The following FMN1 variants were observed in gnomAD, a reference collection of about 807,000 sequenced individuals.
The protein encoded by FMN1 is formin 1, also known as formin-1.
A neutral mutation model predicts 132.4 loss-of-function variants in FMN1; 110 were observed. The observed-to-expected ratio is 0.83, with a 90% confidence interval of 0.71 to 0.97. FMN1 has a LOEUF of 0.97. Ranked by LOEUF, FMN1 falls within the 50% of genes least tolerant of loss-of-function variation. The pLI is 0.00. For synonymous variants in FMN1, 722 were observed against 651.7 expected (o/e 1.11, Z -1.64); for missense variants, 1,792 against 1,705.3 (o/e 1.05, Z -0.90).
At chr15:33,060,776 A>G (rs1337899507) in intron 6 of FMN1, among the ~76,000 whole-genome samples, 3 of 152,176 alleles carry the variant, frequency 2.0e-5, no homozygotes, top group Non-Finnish European at 2.9e-5. Flanking sequence ...GCACAATTCA[A>G]CTCAGAAAGC....
At chr15:33,108,305 G>C (rs560109222) in intron 4 of FMN1, among the ~76,000 whole-genome samples, 1 of 152,020 alleles carries the variant, frequency 6.6e-6, no homozygotes, top group African/African-American at 2.4e-5. Flanking sequence ...TTGATGGAGG[G>C]GGAAAAACAT....
chr15:33,012,754 G>T (rs186665924), intron 6 of FMN1: 1 of 729,514 alleles, frequency 1.4e-6, no homozygotes, highest in Non-Finnish European at 2.5e-6. Flanking sequence ...TGGTGGGAAC[G>T]ACATCTTTGG....
chr15:33,172,079 G>A (rs985343953), intron 3 of FMN1, among the ~76,000 whole-genome samples: 1 of 152,086 alleles, frequency 6.6e-6, no homozygotes, highest in East Asian at 1.9e-4. Context: ...GTGGTGGCGG[G>A]CGCCTGTGGT....
At chr15:32,974,156 A>C (rs940711307) in intron 7 of FMN1, among the ~76,000 whole-genome samples, 2 of 152,348 alleles carry the variant, frequency 1.3e-5, no homozygotes, top group African/African-American at 4.8e-5. Flanking sequence ...ATCCAATTAT[A>C]AACCCTCCAT....
intron 18 of FMN1, among the ~76,000 whole-genome samples, chr15:32,803,824 G>C (rs930491194): frequency 6.6e-6 from 1 of 152,210 alleles, no homozygotes; most frequent in Non-Finnish European, 1.5e-5. Flanking sequence ...ATAGTGTCAT[G>C]ACACGCATGT....
intron 6 of FMN1, among the ~76,000 whole-genome samples, chr15:33,026,560 A>G (rs979388321): frequency 4.6e-5 from 7 of 152,206 alleles, no homozygotes; most frequent in Non-Finnish European, 1.0e-4. Flanking sequence ...TTCCTCATAT[A>G]ATACATATAT....
rs543893270 is a variant in FMN1, at chr15:33,174,511, T to C, written c.-132+5687A>G. Among the ~76,000 whole-genome samples the C allele has an allele frequency of 4.1e-4, 62 of 152,370 alleles. 1 individual carries two copies. Among genetic ancestry groups the C allele is most frequent in the African/African-American group, 1.5e-3 (62 of 41,586 alleles). On this transcript the variant is annotated intron_variant, in intron 3 of 20. Transcript: ENST00000616417. ...TCTTGAAAAGGCAAAGAATGTTTGC[T>C]CTCTTAAGCTGTATTCCATAATACT...
intron 16 of FMN1, among the ~76,000 whole-genome samples, chr15:32,883,931 T>C (rs988781295): frequency 1.3e-5 from 2 of 152,184 alleles, no homozygotes; most frequent in African/African-American, 4.8e-5. Context: ...TATTTGATCA[T>C]AGACTCTTTC....
At chr15:33,067,151 G>A (rs754591617) in intron 5 of FMN1, 1 of 1,613,938 alleles carries the variant, frequency 6.2e-7, no homozygotes, top group Admixed American at 1.7e-5. Flanking sequence ...GTTTGTTACT[G>A]CAGGTAGGTC....
intron 2 of FMN1, among the ~76,000 whole-genome samples, chr15:33,185,490 A>C (rs1157156326): frequency 6.6e-6 from 1 of 151,696 alleles, no homozygotes; most frequent in Non-Finnish European, 1.5e-5. Flanking sequence ...ATAGAAAGTA[A>C]ATTTTTGTTT....
intron 17 of FMN1, among the ~76,000 whole-genome samples, chr15:32,830,417 A>G (rs2058471466): frequency 6.6e-6 from 1 of 152,152 alleles, no homozygotes; most frequent in South Asian, 2.1e-4. Context: ...AGTGGTTGAA[A>G]TAGTTTAATT....
chr15:32,945,781 G>A (rs1340549181), intron 9 of FMN1, among the ~76,000 whole-genome samples: 1 of 151,056 alleles, frequency 6.6e-6, no homozygotes, highest in African/African-American at 2.4e-5. Context: ...GCCAGCAAGA[G>A]TGAGCACCCC....
At chr15:32,871,250 C>T (rs576883755) in intron 16 of FMN1, among the ~76,000 whole-genome samples, 3 of 152,284 alleles carry the variant, frequency 2.0e-5, no homozygotes, top group Admixed American at 2.0e-4. Flanking sequence ...GACACCATGA[C>T]CAAAACACAG....
intron 5 of FMN1, chr15:33,067,631 G>C: frequency 6.2e-7 from 1 of 1,613,988 alleles, no homozygotes; most frequent in Non-Finnish European, 8.5e-7. Context: ...TGAAACCCGA[G>C]ACCCTGCTTC....
rs1479974047 is a variant in FMN1, at chr15:32,771,661, G to A, written c.*2649C>T. 2.0e-5 allele frequency: 3 copies of A among 152,190 alleles called. No individual in the cohort carries two copies. Among genetic ancestry groups the A allele is most frequent in the Admixed American group, 6.5e-5 (1 of 15,286 alleles). 9.4% of individuals were successfully genotyped at this position (152,190 alleles called of 1,614,324 possible). A position where few individuals can be genotyped will look rare whatever the true frequency, so the allele number is the denominator to read the frequency against. On this transcript the variant is annotated 3_prime_UTR_variant, in exon 21 of 21. Coordinates refer to ENST00000616417, the MANE Select transcript of FMN1 (RefSeq NM_001277313.2). Reference sequence around the variant, plus strand: ...TCCTTTCTAGTTCAGGGAGGGCTATGCCTAGAACAGCCACTTAAAGCCTGC... The same window carrying A: ...TCCTTTCTAGTTCAGGGAGGGCTATACCTAGAACAGCCACTTAAAGCCTGC...
intron 19 of FMN1, among the ~76,000 whole-genome samples, chr15:32,782,881 T>A (rs1371941802): frequency 1.3e-5 from 2 of 152,222 alleles, no homozygotes; most frequent in Non-Finnish European, 2.9e-5. Context: ...ATCATTATCC[T>A]AAGTGAAATA....
At chr15:32,975,396 C>A (rs1459577256) in intron 7 of FMN1, among the ~76,000 whole-genome samples, 2 of 152,106 alleles carry the variant, frequency 1.3e-5, no homozygotes, top group Non-Finnish European at 2.9e-5. Flanking sequence ...CTTCTTCATG[C>A]CTCTGCATTA....
intron 7 of FMN1, among the ~76,000 whole-genome samples, chr15:32,969,849 G>C (rs1453092579): frequency 6.6e-6 from 1 of 152,082 alleles, no homozygotes; most frequent in Non-Finnish European, 1.5e-5. Context: ...TTTCGGGTTG[G>C]TTTCAAAAAA....
intron 7 of FMN1, among the ~76,000 whole-genome samples, chr15:33,007,573 C>T (rs1052383136): frequency 3.9e-5 from 6 of 152,028 alleles, no homozygotes; most frequent in African/African-American, 1.4e-4. Flanking sequence ...CCTCCACCTC[C>T]TAGGGCTCCT....
Sources: allele counts gnomAD v4.1 joint callset (sites outside exome capture counted in the v4.1 genomes callset), GRCh38; gene constraint gnomAD v4.1.1; transcripts MANE v1.5; gene names NCBI Gene and HGNC (gene_info 2026-07-23, HGNC 2026-07-21).